NEDD4L: variants seen among roughly 807,000 people sequenced by gnomAD.
The protein encoded by NEDD4L is NEDD4 like E3 ubiquitin protein ligase, also known as E3 ubiquitin-protein ligase NEDD4-like.
Under a neutral mutation model 148.9 loss-of-function variants are expected in NEDD4L, and 54 were observed. That is an observed-to-expected ratio of 0.36 (90% confidence interval 0.29 to 0.45). The LOEUF is 0.45. Among genes scored for constraint, NEDD4L ranks in the 20% least tolerant of loss-of-function variants. The pLI, the probability that NEDD4L is intolerant of heterozygous loss-of-function variation, is 1.00. For missense variants in NEDD4L, 856 were observed against 1,233.8 expected, an observed-to-expected ratio of 0.69 and a Z score of 4.59; for synonymous variants, 433 against 440.7, an observed-to-expected ratio of 0.98 and a Z score of 0.22.
At chr18:58,109,573 T>TTTTG (rs1487324484) in intron 1 of NEDD4L, among the ~76,000 whole-genome samples, 4 of 116,856 alleles carry the variant, frequency 3.4e-5, no homozygotes, top group African/African-American at 1.2e-4. Flanking sequence ...TTTTTTTTTG[T>TTTTG]TTTTTTTTTT....
chr18:58,069,140 A>C (rs1423771030), intron 1 of NEDD4L, among the ~76,000 whole-genome samples: 2 of 149,784 alleles, frequency 1.3e-5, no homozygotes, highest in Admixed American at 6.6e-5. Context: ...TGTCTCCAAA[A>C]AAAAAAAAAA....
chr18:58,133,913 T>C (rs954713907), intron 1 of NEDD4L, among the ~76,000 whole-genome samples: 1 of 152,182 alleles, frequency 6.6e-6, no homozygotes, highest in Non-Finnish European at 1.5e-5. Context: ...TCATAACAAC[T>C]CTAGGAGATA....
At chr18:58,309,273 C>G (rs952158807) in intron 5 of NEDD4L, among the ~76,000 whole-genome samples, 24 of 152,304 alleles carry the variant, frequency 1.6e-4, no homozygotes, top group African/African-American at 5.8e-4. Flanking sequence ...CTGGCCACTC[C>G]TGTCATCCCT....
intron 2 of NEDD4L, among the ~76,000 whole-genome samples, chr18:58,229,483 C>A (rs1264836096): frequency 2.0e-5 from 3 of 152,286 alleles, no homozygotes; most frequent in African/African-American, 7.2e-5. Flanking sequence ...GCTCATGTCT[C>A]TGTTTGTGCT....
intron 1 of NEDD4L, among the ~76,000 whole-genome samples, chr18:58,084,671 T>TTGTGTG (rs55916532): frequency 0.2 from 26,230 of 133,488 alleles, 2,587 homozygotes; most frequent in Middle Eastern, 0.27. Flanking sequence ...TGTGGGGTTT[T>TTGTGTG]TGTGTGTGTG....
At chr18:58,274,442 G>A (rs943495929) in intron 5 of NEDD4L, among the ~76,000 whole-genome samples, 1 of 152,210 alleles carries the variant, frequency 6.6e-6, no homozygotes, top group Non-Finnish European at 1.5e-5. Context: ...CCCGGAAGCT[G>A]GAGGAGGGCA....
At position 58,196,257 on chromosome 18, in the gene NEDD4L, TC is replaced by T. The variant is rs1456353256; in HGVS notation, c.122+30397del. 4.6e-5 allele frequency among the ~76,000 whole-genome samples: 7 copies of T among 152,230 alleles called. No homozygotes were observed. In the South Asian group the frequency reaches 1.4e-3, roughly 32 times the overall value. ...TCAATTTAGAGCATAGCTAATGCAA[TC>T]AGCCAGCTCGTGATGGGACAACATA... On this transcript the variant is annotated intron_variant, in intron 2 of 30. Transcript: ENST00000400345.
chr18:58,180,483 G>C (rs1447403635), intron 2 of NEDD4L, among the ~76,000 whole-genome samples: 1 of 152,166 alleles, frequency 6.6e-6, no homozygotes, highest in Non-Finnish European at 1.5e-5. Context: ...TTGAGCTGAG[G>C]ACAGCTCCCT....
chr18:58,349,632 A>C lies in NEDD4L; in HGVS notation c.1653+18A>C. The C allele has an allele frequency of 6.3e-7, 1 of 1,580,368 alleles. No homozygotes were observed. The stretch of plus-strand genomic sequence containing the variant: ...CCCTTCCTGTGAGTACACTGGAGAC[A>C]CATGGAATGGTCTGAATATGTGTGT... On this transcript the variant is annotated intron_variant, in intron 17 of 30. Coordinates refer to ENST00000400345, the MANE Select transcript of NEDD4L (RefSeq NM_001144967.3).
At chr18:58,180,352 A>G (rs1483307180) in intron 2 of NEDD4L, among the ~76,000 whole-genome samples, 1 of 151,896 alleles carries the variant, frequency 6.6e-6, no homozygotes, top group East Asian at 1.9e-4. Context: ...GGCCCTGTGC[A>G]GGTCTCTGTG....
At chr18:58,062,139 A>G (rs151205158) in intron 1 of NEDD4L, among the ~76,000 whole-genome samples, 18 of 152,200 alleles carry the variant, frequency 1.2e-4, no homozygotes, top group Non-Finnish European at 2.2e-4. Context: ...TGAGATTGAG[A>G]TAGTTGTTTT....
chr18:58,393,345 G>A (rs1422833222), intron 30 of NEDD4L, among the ~76,000 whole-genome samples: 1 of 152,064 alleles, frequency 6.6e-6, no homozygotes, highest in Admixed American at 6.5e-5. Flanking sequence ...GGACTTCATT[G>A]GTCTGGTGTG....
intron 5 of NEDD4L, among the ~76,000 whole-genome samples, chr18:58,253,747 G>T (rs570876234): frequency 3.9e-5 from 6 of 152,292 alleles, no homozygotes; most frequent in South Asian, 2.1e-4. Context: ...TCTATTAAGA[G>T]AAATTCACTG....
chr18:58,152,650 T>A (rs1361845131), intron 1 of NEDD4L, among the ~76,000 whole-genome samples: 1 of 152,256 alleles, frequency 6.6e-6, no homozygotes, highest in Non-Finnish European at 1.5e-5. Flanking sequence ...ATTGCTGGAC[T>A]CTGGTTCTGG....
intron 5 of NEDD4L, among the ~76,000 whole-genome samples, chr18:58,314,026 A>G (rs959480697): frequency 6.6e-6 from 1 of 152,166 alleles, no homozygotes. Context: ...TGGCCACACT[A>G]CTCTGCTCAC....
intron 27 of NEDD4L, chr18:58,388,027 T>C (rs2049281170): frequency 6.6e-6 from 1 of 152,460 alleles, no homozygotes; most frequent in Admixed American, 6.5e-5. Flanking sequence ...GAACTTGAAG[T>C]GGTTTATGTT....
intron 1 of NEDD4L, among the ~76,000 whole-genome samples, chr18:58,158,505 A>G (rs1344126098): frequency 2.0e-5 from 3 of 152,198 alleles, no homozygotes; most frequent in Non-Finnish European, 2.9e-5. Flanking sequence ...CTAGAAGTCT[A>G]TCCCTTTATT....
At chr18:58,218,318 G>A (rs973647676) in intron 2 of NEDD4L, among the ~76,000 whole-genome samples, 8 of 152,098 alleles carry the variant, frequency 5.3e-5, no homozygotes, top group East Asian at 3.9e-4. Context: ...TAATATTGTC[G>A]GAAGTGTTAG....
At chr18:58,240,989 T>C (rs896710174) in intron 2 of NEDD4L, among the ~76,000 whole-genome samples, 16 of 152,084 alleles carry the variant, frequency 1.1e-4, no homozygotes, top group Non-Finnish European at 2.2e-4. Context: ...TTTGTATTTT[T>C]AGTAGAGACG....
Sources: gnomAD v4.1 joint callset for allele counts (sites outside exome capture counted in the v4.1 genomes callset) on GRCh38, gnomAD v4.1.1 for gene constraint, MANE v1.5 for transcripts, NCBI Gene and HGNC (gene_info 2026-07-23, HGNC 2026-07-21) for gene names.